WNT7B: variants seen among roughly 807,000 people sequenced by gnomAD.
WNT7B encodes Wnt family member 7B.
Under a neutral mutation model 38.2 loss-of-function variants are expected in WNT7B, and 19 were observed. The observed-to-expected ratio is 0.50, with a 90% CI of 0.35 to 0.73. WNT7B has a LOEUF of 0.73. Among genes scored for constraint, WNT7B ranks in the 30% least tolerant of loss-of-function variants. The pLI is 0.01. For missense variants in WNT7B, 423 were observed against 507.9 expected (o/e 0.83, Z 1.61); for synonymous variants, 243 against 209.3 (o/e 1.16, Z -1.39).
chr22:45,939,548 C>G (rs1260450527), intron 2 of WNT7B, among the ~76,000 whole-genome samples: 1 of 152,150 alleles, frequency 6.6e-6, no homozygotes, highest in Non-Finnish European at 1.5e-5. Flanking sequence ...AGTCCCAACA[C>G]TTTGGGAAGC....
At chr22:45,927,213 C>T (rs1931113076) in intron 3 of WNT7B, 13 of 985,418 alleles carry the variant, frequency 1.3e-5, no homozygotes, top group Non-Finnish European at 1.4e-5. Context: ...GGGCCGGGCA[C>T]TGGGCACTCA....
intron 2 of WNT7B, chr22:45,935,944 C>A: frequency 1.0e-6 from 1 of 985,334 alleles, no homozygotes; most frequent in Non-Finnish European, 1.2e-6. Flanking sequence ...ACACTTGGGT[C>A]TCGGGGGGCC....
chr22:45,962,759 C>T (rs1932225138), intron 1 of WNT7B, among the ~76,000 whole-genome samples: 1 of 151,890 alleles, frequency 6.6e-6, no homozygotes, highest in African/African-American at 2.4e-5. Context: ...ATGGGAGTCC[C>T]AGTCCTGGCC....
rs143906656 is a variant in WNT7B at position 45,968,168 on chromosome 22, G to A, written c.71+8516C>T. On this transcript the variant is annotated intron_variant, in intron 1 of 3. Transcript: ENST00000339464. ...TCTCTTTCATGTGCCTGTTTAGTCTGGCCAACTCCTATCCATCCTTCAAAA... is the reference window on the plus strand; with the variant it reads ...TCTCTTTCATGTGCCTGTTTAGTCTAGCCAACTCCTATCCATCCTTCAAAA... Among the ~76,000 whole-genome samples the A allele has an allele frequency of 1.2e-3, 177 of 152,264 alleles. 1 individual carries two copies. The highest frequency in any genetic ancestry group is 3.8e-3 in the African/African-American group (158 of 41,546).
At chr22:45,972,245 C>A (rs1414874007) in intron 1 of WNT7B, 1 of 640,816 alleles carries the variant, frequency 1.6e-6, no homozygotes, top group East Asian at 3.5e-5. Context: ...CATGGTGGGC[C>A]GGCGTGCCTG....
intron 2 of WNT7B, among the ~76,000 whole-genome samples, chr22:45,934,661 G>A (rs1050947507): frequency 2.0e-5 from 3 of 152,192 alleles, no homozygotes; most frequent in Non-Finnish European, 2.9e-5. Context: ...ACCCTTGGAG[G>A]ACACTTCCCA....
At chr22:45,924,996 G>A (rs1186108925) in intron 3 of WNT7B, 149 of 948,636 alleles carry the variant, frequency 1.6e-4, no homozygotes, top group Admixed American at 1.9e-4. Context: ...GGTGCCGGGC[G>A]GGCCCAAAGT....
chr22:45,954,428 C>A (rs1430088816), intron 1 of WNT7B, among the ~76,000 whole-genome samples: 1 of 152,176 alleles, frequency 6.6e-6, no homozygotes, highest in Admixed American at 6.5e-5. Flanking sequence ...CGTATTTTAA[C>A]CACGATTTTA....
chr22:45,927,736 C>A (rs1027947736), intron 3 of WNT7B, among the ~76,000 whole-genome samples: 1 of 145,292 alleles, frequency 6.9e-6, no homozygotes, highest in African/African-American at 2.8e-5. Flanking sequence ...TCTCTACTAA[C>A]AATACAGAAA....
chr22:45,955,598 G>A (rs1932039673), intron 1 of WNT7B, among the ~76,000 whole-genome samples: 1 of 152,176 alleles, frequency 6.6e-6, no homozygotes, highest in Non-Finnish European at 1.5e-5. Flanking sequence ...GATGCTGGGA[G>A]CGGGGGCATT....
At chr22:45,956,823 C>T (rs1449983131) in intron 1 of WNT7B, among the ~76,000 whole-genome samples, 1 of 152,118 alleles carries the variant, frequency 6.6e-6, no homozygotes, top group Non-Finnish European at 1.5e-5. Flanking sequence ...TCTGAAAATC[C>T]CCGGCCAGGC....
chr22:45,952,870 C>T (rs148498795), intron 1 of WNT7B, among the ~76,000 whole-genome samples: 1 of 152,236 alleles, frequency 6.6e-6, no homozygotes, highest in Admixed American at 6.5e-5. Flanking sequence ...GGGGACCGTC[C>T]CAGCCCCTGT....
Position 45,922,619 on chromosome 22 carries a change from G to A in WNT7B, c.*237C>T, listed in dbSNP as rs1258752727. The A allele has an allele frequency of 3.2e-6, 2 of 616,454 alleles. No individual in the cohort carries two copies. Among genetic ancestry groups the A allele is most frequent in the South Asian group, 2.3e-5 (1 of 42,936 alleles). The allele number at this position is 616,454 out of a possible 1,614,324, so 38.2% of individuals were successfully genotyped here. The stretch of plus-strand genomic sequence containing the variant: ...CCAAGACCCCTGGCCTTGCTCTCTG[G>A]GTGGGTCACGGGTGCTGTTCTGCCG... On this transcript the variant is annotated 3_prime_UTR_variant, in exon 4 of 4. Transcript: ENST00000339464.
intron 2 of WNT7B, among the ~76,000 whole-genome samples, chr22:45,949,365 C>T (rs1931874790): frequency 7.3e-6 from 1 of 136,624 alleles, no homozygotes; most frequent in Admixed American, 7.7e-5. Context: ...ATTGGATTCC[C>T]CGTGCTCCAC....
At chr22:45,928,843 T>G (rs939506642) in intron 3 of WNT7B, among the ~76,000 whole-genome samples, 7 of 149,252 alleles carry the variant, frequency 4.7e-5, no homozygotes, top group African/African-American at 1.7e-4. Flanking sequence ...ATCCTGGCCC[T>G]GGTTTCCCCA....
At chr22:45,936,098 A>G in intron 2 of WNT7B, 1 of 985,394 alleles carries the variant, frequency 1.0e-6, no homozygotes, top group Middle Eastern at 5.2e-4. Context: ...ACAGCCCTCA[A>G]GAGCACTGGG....
At chr22:45,949,577 C>T (rs372036368) in intron 2 of WNT7B, among the ~76,000 whole-genome samples, 1 of 152,236 alleles carries the variant, frequency 6.6e-6, no homozygotes, top group Admixed American at 6.5e-5. Flanking sequence ...TGCTAGGCAG[C>T]GAAAGAATGG....
intron 1 of WNT7B, among the ~76,000 whole-genome samples, chr22:45,964,288 G>A (rs1377210344): frequency 2.0e-5 from 3 of 152,114 alleles, no homozygotes; most frequent in African/African-American, 7.2e-5. Context: ...ACACCCTGAG[G>A]CTCAGAAAGG....
At chr22:45,942,469 A>C (rs1420478012) in intron 2 of WNT7B, among the ~76,000 whole-genome samples, 2 of 152,246 alleles carry the variant, frequency 1.3e-5, no homozygotes, top group Admixed American at 1.3e-4. Flanking sequence ...GCAGAGACCA[A>C]GGCACAGGCA....
Sources: allele counts gnomAD v4.1 joint callset (sites outside exome capture counted in the v4.1 genomes callset), GRCh38; gene constraint gnomAD v4.1.1; transcripts MANE v1.5; gene names NCBI Gene and HGNC (gene_info 2026-07-23, HGNC 2026-07-21).